The following DNAJA2 variants were observed in gnomAD, a reference collection of about 807,000 sequenced individuals.
DNAJA2 encodes dnaJ homolog subfamily A member 2.
A neutral mutation model predicts 49.3 loss-of-function variants in DNAJA2; 6 were observed. That is an observed-to-expected ratio of 0.12 (90% confidence interval 0.07 to 0.24). DNAJA2 has a LOEUF of 0.24. DNAJA2 is among the 10% of genes least tolerant of loss of function. DNAJA2 has a pLI of 1.00. For missense variants in DNAJA2, 347 were observed against 516.8 expected, an observed-to-expected ratio of 0.67 and a Z score of 3.19; for synonymous variants, 160 against 172.7, an observed-to-expected ratio of 0.93 and a Z score of 0.58.
chr16:46,973,171 C>A (rs1344535250), intron 1 of DNAJA2, among the ~76,000 whole-genome samples: 2 of 152,172 alleles, frequency 1.3e-5, no homozygotes, highest in African/African-American at 2.4e-5. Flanking sequence ...AAGGACCGGG[C>A]GAGCTGCTGC....
At chr16:46,971,806 AT>A in intron 2 of DNAJA2, 89 bp downstream of exon 2, 1 of 1,231,620 alleles carries the variant, frequency 8.1e-7, no homozygotes, top group Non-Finnish European at 1.2e-6. Context: ...GCATAGTTGG[AT>A]TTTTTTCCTG....
chr16:46,966,988 T>C (rs1043814501), intron 5 of DNAJA2, among the ~76,000 whole-genome samples: 1 of 152,194 alleles, frequency 6.6e-6, no homozygotes, highest in African/African-American at 2.4e-5. Context: ...TGCTCCTCTT[T>C]TCTGAATTAA....
chr16:46,969,857 A>G (rs539836830), intron 3 of DNAJA2, among the ~76,000 whole-genome samples: 1 of 152,360 alleles, frequency 6.6e-6, no homozygotes, highest in Non-Finnish European at 1.5e-5. Flanking sequence ...ATGAAGAACT[A>G]TAAAGTACAG....
chr16:46,971,531 A>G lies in DNAJA2; in HGVS notation c.180T>C (p.Pro60=), dbSNP rs769492743. 2 of 1,606,248 alleles carry G rather than the reference A, an allele frequency of 1.2e-6. No homozygotes were observed. Among genetic ancestry groups the G allele is most frequent in the Non-Finnish European group, 1.7e-6 (2 of 1,177,986 alleles). The part of the protein sequence containing the change: ...ISFAYEVLSN[P]EKRELYDRYG... ...ATCTGTCATATAACTCACGCTTCTC[A>G]GGATTTGATAGTACTTCATATGCAA... Residue 60 remains proline, a synonymous_variant, in exon 3 of 9, where the codon CCT becomes CCC. Coordinates refer to ENST00000317089, the MANE Select transcript of DNAJA2 (RefSeq NM_005880.4).
Position 46,970,730 on chromosome 16 carries a change from CAAAAAAAA to C in DNAJA2, c.362+611_362+618del, listed in dbSNP as rs10523905. Among the ~76,000 whole-genome samples, 154 of 32,204 alleles carry C rather than the reference CAAAAAAAA, an allele frequency of 4.8e-3. 5 individuals are homozygous for C. The highest frequency in any genetic ancestry group is 0.023 in the East Asian group (22 of 946). The allele number at this position is 32,204 out of a possible 152,430, so 21.1% of individuals were successfully genotyped here. A position where few individuals can be genotyped will look rare whatever the true frequency, so the allele number is the denominator to read the frequency against. ...AACCCGGGCGACAGGGACTCCATTT[CAAAAAAAA>C]AAAAAAAAAAAAAAAAAAGGTCGGG... is the stretch of plus-strand genomic sequence containing the variant. On this transcript the variant is annotated intron_variant, in intron 3 of 8. Coordinates refer to ENST00000317089, the MANE Select transcript of DNAJA2 (RefSeq NM_005880.4).
At chr16:46,971,802 T>A (rs902071424) in intron 2 of DNAJA2, 94 bp downstream of exon 2, 2 of 1,157,870 alleles carry the variant, frequency 1.7e-6, no homozygotes, top group African/African-American at 3.1e-5. Context: ...GTGGGCATAG[T>A]TGGATTTTTT....
chr16:46,972,398 T>C, intron 1 of DNAJA2: 1 of 155,866 alleles, frequency 6.4e-6, no homozygotes, highest in South Asian at 1.9e-4. Context: ...GGCTCACGCC[T>C]TCCTTCTAAC....
chr16:46,970,466 G>A (rs1351523673), intron 3 of DNAJA2, among the ~76,000 whole-genome samples: 1 of 152,182 alleles, frequency 6.6e-6, no homozygotes, highest in African/African-American at 2.4e-5. Context: ...AAATAGGCTG[G>A]GCGCAGTGGC....
chr16:46,965,033 C>T (rs1257487968), intron 5 of DNAJA2, among the ~76,000 whole-genome samples: 1 of 152,036 alleles, frequency 6.6e-6, no homozygotes, highest in Admixed American at 6.6e-5. Context: ...AGCCTAGCAA[C>T]ACAGTGAGAC....
intron 6 of DNAJA2, among the ~76,000 whole-genome samples, chr16:46,961,966 G>A (rs1961902349): frequency 6.6e-6 from 1 of 151,610 alleles, no homozygotes; most frequent in South Asian, 2.1e-4. Context: ...ACTGACAAGT[G>A]ACATGGCAGG....
intron 5 of DNAJA2, among the ~76,000 whole-genome samples, chr16:46,966,750 C>G (rs1961977400): frequency 1.3e-5 from 2 of 152,156 alleles, no homozygotes; most frequent in Admixed American, 1.3e-4. Context: ...ATCTCAAGAT[C>G]AATTCTGAAA....
intron 3 of DNAJA2, among the ~76,000 whole-genome samples, chr16:46,970,173 A>C (rs1472298273): frequency 6.6e-6 from 1 of 152,248 alleles, no homozygotes; most frequent in African/African-American, 2.4e-5. Context: ...TGAAAAAAAG[A>C]ATGGGAAAAA....
chr16:46,959,123 A>C lies in DNAJA2; in HGVS notation c.927T>G (p.Val309=). The C allele has an allele frequency of 6.2e-7, 1 of 1,602,118 alleles. No homozygotes were observed. The highest frequency in any genetic ancestry group is 2.2e-5 in the East Asian group (1 of 44,748). Residue 309 remains valine (V), a synonymous_variant, in exon 8 of 9, where the codon GTT becomes GTG. Coordinates refer to ENST00000317089, the MANE Select transcript of DNAJA2 (RefSeq NM_005880.4). ...GCATCCCTTCACCTCGAACTACACGAACACACCCTATTATTTAAGAGGAAA... is the reference window on the plus strand; with the variant it reads ...GCATCCCTTCACCTCGAACTACACGCACACACCCTATTATTTAAGAGGAAA... ...PPGKVIEPGC[V]RVVRGEGMPQ... is the part of the protein sequence containing the mutation.
At chr16:46,973,428 TGAA>T in intron 1 of DNAJA2, 64 bp downstream of exon 1, 2 of 1,456,930 alleles carry the variant, frequency 1.4e-6, no homozygotes, top group Non-Finnish European at 1.8e-6. Context: ...GCGGCCTGGC[TGAA>T]GAAGACATCC....
intron 5 of DNAJA2, 83 bp from the exon 6 acceptor site, chr16:46,964,890 G>A (rs1961947108): frequency 5.9e-6 from 7 of 1,185,062 alleles, no homozygotes; most frequent in Non-Finnish European, 8.2e-6. Flanking sequence ...ATGCTTTCTG[G>A]ACTTCTTTTA....
rs753805726 is a variant in DNAJA2 at position 46,959,297 on chromosome 16, G to T, written c.897C>A (p.Pro299=). Residue 299 remains proline (P), a synonymous_variant, in exon 7 of 9, where the codon CCC becomes CCA. Coordinates refer to ENST00000317089, the MANE Select transcript of DNAJA2 (RefSeq NM_005880.4). ...LDGRQIVVKY[P]PGKVIEPGCV... ...TACCTGGTTCAATTACTTTGCCAGG[G>T]GGGTATTTCACCACAATCTGACGTC... 1 of 1,613,512 alleles carries T rather than the reference G, an allele frequency of 6.2e-7. No individual in the cohort carries two copies. The highest frequency in any genetic ancestry group is 1.3e-5 in the African/African-American group (1 of 74,916).
intron 3 of DNAJA2, among the ~76,000 whole-genome samples, chr16:46,968,880 T>C (rs905471975): frequency 6.6e-6 from 1 of 152,050 alleles, no homozygotes; most frequent in Admixed American, 6.6e-5. Flanking sequence ...ACCTCATCTT[T>C]ACCAAAAAAT....
intron 5 of DNAJA2, among the ~76,000 whole-genome samples, 183 bp from the exon 6 acceptor site, chr16:46,964,990 TGGTA>T (rs1961948516): frequency 6.6e-6 from 1 of 151,990 alleles, no homozygotes; most frequent in Non-Finnish European, 1.5e-5. Flanking sequence ...GAGGTCAGGG[TGGTA>T]GGATCACTTG....
At chr16:46,961,958 T>A (rs1199344430) in intron 6 of DNAJA2, among the ~76,000 whole-genome samples, 1 of 151,344 alleles carries the variant, frequency 6.6e-6, no homozygotes, top group Admixed American at 6.6e-5. Flanking sequence ...ACAGGCACAC[T>A]GACAAGTGAC....
Sources: allele counts gnomAD v4.1 joint callset (sites outside exome capture counted in the v4.1 genomes callset), GRCh38; gene constraint gnomAD v4.1.1; transcripts MANE v1.5; gene names NCBI Gene and HGNC (gene_info 2026-07-23, HGNC 2026-07-21).